Variants in CHRNB4 observed in about 807,000 individuals in gnomAD.
CHRNB4 encodes cholinergic receptor nicotinic beta 4 subunit.
Under a neutral mutation model 40.4 loss-of-function variants are expected in CHRNB4, and 23 were observed. That is an observed-to-expected ratio of 0.57 (90% CI 0.41 to 0.81). CHRNB4 has a LOEUF of 0.81. Among genes scored for constraint, CHRNB4 ranks in the 30% least tolerant of loss-of-function variants. The pLI, the probability that CHRNB4 is intolerant of heterozygous loss-of-function variation, is 0.00. For synonymous variants in CHRNB4, 285 were observed against 274.4 expected, an observed-to-expected ratio of 1.04 and a Z score of -0.38; for missense variants, 568 against 670.6, an observed-to-expected ratio of 0.85 and a Z score of 1.69.
chr15:78,652,392 GC>G (rs1473090603), intron 6 of CHRNB4, among the ~76,000 whole-genome samples: 14 of 152,374 alleles, frequency 9.2e-5, no homozygotes, highest in African/African-American at 3.4e-4. Flanking sequence ...AGCATTGGTG[GC>G]TCTGCCAGTG....
upstream of CHRNB4, among the ~76,000 whole-genome samples, chr15:78,644,397 T>TG (rs1010819220): frequency 6.8e-6 from 1 of 147,926 alleles, no homozygotes; most frequent in African/African-American, 2.5e-5. Context: ...AGGGCTTGTG[T>TG]GGGGGGTTTA....
Position 78,641,140 on chromosome 15 carries a change from CG to C in CHRNB4, c.-8del. 1 of 1,552,442 alleles carries C rather than the reference CG, an allele frequency of 6.4e-7. No homozygotes were observed. The highest frequency in any genetic ancestry group is 8.7e-7 in the Non-Finnish European group (1 of 1,150,816). ...GGGAAGGCGCGCGCCTCATGGCCGG[CG>C]GGGCCGGGTGGCAGCCGCCGCGAGC... is the stretch of plus-strand genomic sequence containing the variant. On this transcript the variant is annotated 5_prime_UTR_variant, in exon 1 of 6. Coordinates refer to ENST00000261751, the MANE Select transcript of CHRNB4 (RefSeq NM_000750.5).
intron 2 of CHRNB4, among the ~76,000 whole-genome samples, chr15:78,657,656 C>T (rs2054225498): frequency 6.7e-6 from 1 of 149,704 alleles, no homozygotes; most frequent in African/African-American, 2.5e-5. Context: ...CGGGTTCACG[C>T]CATTCTCCTG....
chr15:78,644,415 C>T (rs970073127), upstream of CHRNB4, among the ~76,000 whole-genome samples: 1 of 151,414 alleles, frequency 6.6e-6, no homozygotes, highest in Non-Finnish European at 1.5e-5. Context: ...TTATCTGTTC[C>T]TTCTGCTGCA....
At chr15:78,653,374 T>C (rs750308574) in intron 5 of CHRNB4, among the ~76,000 whole-genome samples, 1 of 152,212 alleles carries the variant, frequency 6.6e-6, no homozygotes, top group South Asian at 2.1e-4. Context: ...TCAGGACTTA[T>C]CTTGGAAAAG....
chr15:78,631,846 C>T (rs1425896037), intron 2 of CHRNB4, among the ~76,000 whole-genome samples: 1 of 152,134 alleles, frequency 6.6e-6, no homozygotes, highest in Non-Finnish European at 1.5e-5. Context: ...CACATCTCAT[C>T]CAAAGTAAAA....
upstream of CHRNB4, among the ~76,000 whole-genome samples, chr15:78,644,040 G>A (rs535267681): frequency 2.0e-5 from 3 of 150,842 alleles, no homozygotes; most frequent in Non-Finnish European, 4.4e-5. Flanking sequence ...GCGGGTACCT[G>A]TAGTTCCAGC....
At chr15:78,655,939 T>G (rs2054210179) in intron 4 of CHRNB4, among the ~76,000 whole-genome samples, 1 of 152,184 alleles carries the variant, frequency 6.6e-6, no homozygotes, top group Admixed American at 6.5e-5. Flanking sequence ...GTGTAGAGGT[T>G]TGATAGATTT....
intron 7 of CHRNB4, among the ~76,000 whole-genome samples, chr15:78,647,050 G>A (rs1056952226): frequency 2.0e-5 from 3 of 152,160 alleles, no homozygotes; most frequent in African/African-American, 7.2e-5. Context: ...TGAGGCGGGA[G>A]GATCACTGGA....
At chr15:78,643,491 T>G (rs944277105), upstream of CHRNB4, among the ~76,000 whole-genome samples, 2 of 152,220 alleles carry the variant, frequency 1.3e-5, no homozygotes, top group African/African-American at 4.8e-5. Flanking sequence ...AGTTAGGACG[T>G]AAACAAGGGT....
intron 1 of CHRNB4, among the ~76,000 whole-genome samples, chr15:78,638,046 A>C (rs2053990931): frequency 2.6e-5 from 4 of 152,188 alleles, no homozygotes; most frequent in African/African-American, 9.7e-5. Flanking sequence ...TGTCTTGCCC[A>C]AGCCCATCTG....
chr15:78,637,201 GC>G (rs989577585), intron 1 of CHRNB4, among the ~76,000 whole-genome samples: 9 of 152,140 alleles, frequency 5.9e-5, no homozygotes, highest in African/African-American at 2.2e-4. Flanking sequence ...CCTCAAATCT[GC>G]CCCTCTGCAT....
intron 6 of CHRNB4, among the ~76,000 whole-genome samples, chr15:78,651,910 G>A (rs2054175600): frequency 6.6e-6 from 1 of 152,210 alleles, no homozygotes; most frequent in South Asian, 2.1e-4. Flanking sequence ...AGGGCTGCAG[G>A]GACAGGGCAG....
chr15:78,642,921 T>C (rs1401043432), upstream of CHRNB4, among the ~76,000 whole-genome samples: 1 of 152,220 alleles, frequency 6.6e-6, no homozygotes, highest in Non-Finnish European at 1.5e-5. Context: ...ATTTGTATTC[T>C]GGTGCCACTA....
upstream of CHRNB4, chr15:78,641,382 G>A (rs1011108454): frequency 3.3e-5 from 15 of 452,016 alleles, no homozygotes; most frequent in Non-Finnish European, 5.8e-5. Context: ...TATCTCTTCG[G>A]GCCTCGCAAC....
Position 78,624,163 on chromosome 15 carries a change from G to C in CHRNB4, c.*970C>G, listed in dbSNP as rs1395480186. On this transcript the variant is annotated 3_prime_UTR_variant, in exon 6 of 6. Transcript: ENST00000261751. ...CTACTGTGTGCCAAGCTCTGTCCTA[G>C]GCCCTGGGGATACTACCACGAATGT... The C allele has an allele frequency of 6.6e-6, 1 of 152,012 alleles. No individual in the cohort carries two copies. The highest frequency in any genetic ancestry group is 1.5e-5 in the Non-Finnish European group (1 of 67,984). The allele number at this position is 152,012 out of a possible 1,614,324, so 9.4% of individuals were successfully genotyped here.
At chr15:78,649,933 G>A (rs956411150) in intron 6 of CHRNB4, among the ~76,000 whole-genome samples, 4 of 152,172 alleles carry the variant, frequency 2.6e-5, no homozygotes, top group Admixed American at 2.0e-4. Context: ...GAACAACTCC[G>A]GATAATGGTT....
At chr15:78,627,854 A>C (rs1242082652) in intron 5 of CHRNB4, 1 of 152,200 alleles carries the variant, frequency 6.6e-6, no homozygotes, top group African/African-American at 2.4e-5. Context: ...AAAGTAAATT[A>C]AACCTCTTTT....
chr15:78,652,894 T>C (rs973633629), intron 5 of CHRNB4, among the ~76,000 whole-genome samples: 4 of 152,130 alleles, frequency 2.6e-5, no homozygotes, highest in Admixed American at 1.3e-4. Flanking sequence ...GGTGGTGGAA[T>C]GGGAGAAATT....
Sources: gnomAD v4.1 joint callset for allele counts (sites outside exome capture counted in the v4.1 genomes callset) on GRCh38, gnomAD v4.1.1 for gene constraint, MANE v1.5 for transcripts, NCBI Gene and HGNC (gene_info 2026-07-23, HGNC 2026-07-21) for gene names.